The following PBRM1 variants were observed in gnomAD, a reference collection of about 807,000 sequenced individuals.
The protein encoded by PBRM1 is protein polybromo-1.
Under a neutral mutation model 194.5 loss-of-function variants are expected in PBRM1, and 27 were observed. That is an observed-to-expected ratio of 0.14 (90% confidence interval 0.10 to 0.19). The LOEUF is 0.19. Among genes scored for constraint, PBRM1 ranks in the 10% least tolerant of loss-of-function variants. The pLI, the probability that PBRM1 is intolerant of heterozygous loss-of-function variation, is 1.00. For synonymous variants in PBRM1, 655 were observed against 693.2 expected, an observed-to-expected ratio of 0.94 and a Z score of 0.87; for missense variants, 1,466 against 2,077.2, an observed-to-expected ratio of 0.71 and a Z score of 5.72.
chr3:52,569,183 C>T (rs1014630382), intron 22 of PBRM1, among the ~76,000 whole-genome samples: 1 of 151,760 alleles, frequency 6.6e-6, no homozygotes, highest in African/African-American at 2.4e-5. Flanking sequence ...TGAGCCACTG[C>T]ACCCGATTCT....
At chr3:52,562,209 C>T (rs2083741442) in intron 24 of PBRM1, among the ~76,000 whole-genome samples, 1 of 151,738 alleles carries the variant, frequency 6.6e-6, no homozygotes, top group Admixed American at 6.6e-5. Flanking sequence ...CGCCTGTAGT[C>T]CCAGCTACTC....
intron 18 of PBRM1, 26 bp downstream of exon 20, chr3:52,589,044 T>G: frequency 6.4e-7 from 1 of 1,569,042 alleles, no homozygotes; most frequent in Non-Finnish European, 8.8e-7. Context: ...CTCACTAAAC[T>G]GTCCTTTGAT....
intron 6 of PBRM1, 77 bp from the exon 8 acceptor site, chr3:52,648,519 A>G (rs993209037): frequency 8.4e-6 from 6 of 715,668 alleles, no homozygotes; most frequent in Non-Finnish European, 9.5e-6. Context: ...AGAACCCCAC[A>G]TATTTCTAAA....
At chr3:52,643,445 A>G in intron 8 of PBRM1, 102 bp from the exon 10 acceptor site, 1 of 763,604 alleles carries the variant, frequency 1.3e-6, no homozygotes, top group East Asian at 2.5e-5. Context: ...TCTAAATAGA[A>G]ATGCTAAAAT....
intron 22 of PBRM1, among the ~76,000 whole-genome samples, chr3:52,565,105 A>G (rs1218190235): frequency 6.6e-6 from 1 of 152,096 alleles, no homozygotes; most frequent in Non-Finnish European, 1.5e-5. Flanking sequence ...AAGCTGAGGC[A>G]GGAAAATTGC....
At chr3:52,602,894 G>C (rs974185370) in intron 17 of PBRM1, among the ~76,000 whole-genome samples, 1 of 152,074 alleles carries the variant, frequency 6.6e-6, no homozygotes, top group Non-Finnish European at 1.5e-5. Flanking sequence ...AAAAATCTAC[G>C]GAGGAGATTT....
At chr3:52,655,454 T>C (rs116677198) in intron 5 of PBRM1, among the ~76,000 whole-genome samples, 22 of 152,338 alleles carry the variant, frequency 1.4e-4, no homozygotes, top group Non-Finnish European at 2.8e-4. Flanking sequence ...ATATGTCACA[T>C]ATACATTCAT....
At chr3:52,604,860 A>C (rs1576566741) in intron 16 of PBRM1, among the ~76,000 whole-genome samples, 1 of 152,194 alleles carries the variant, frequency 6.6e-6, no homozygotes, top group Admixed American at 6.5e-5. Flanking sequence ...AGGCTGAGGC[A>C]GGACAATCAC....
At chr3:52,591,817 C>CTTTTTTTT (rs34822595) in intron 17 of PBRM1, among the ~76,000 whole-genome samples, 1 of 94,958 alleles carries the variant, frequency 1.1e-5, no homozygotes, top group Non-Finnish European at 2.1e-5. Context: ...TGCGCCCGGC[C>CTTTTTTTT]TTTTTTTTTT....
intron 22 of PBRM1, among the ~76,000 whole-genome samples, chr3:52,570,895 T>G (rs1407250788): frequency 1.4e-5 from 2 of 139,906 alleles, no homozygotes; most frequent in East Asian, 2.0e-4. Context: ...TGTTTCTTCG[T>G]TTTTTTTTTT....
At chr3:52,621,378 T>A (rs913175559) in intron 13 of PBRM1, among the ~76,000 whole-genome samples, 26 of 152,156 alleles carry the variant, frequency 1.7e-4, no homozygotes, top group African/African-American at 6.0e-4. Flanking sequence ...TTAGCCAGGA[T>A]GGTCTCGATC....
At chr3:52,658,138 A>T in intron 5 of PBRM1, 61 bp downstream of exon 6, 1 of 817,282 alleles carries the variant, frequency 1.2e-6, no homozygotes, top group Non-Finnish European at 2.2e-6. Context: ...TAATTAATAC[A>T]ATTCTTGAAG....
At chr3:52,618,738 G>T (rs1425895000) in intron 13 of PBRM1, among the ~76,000 whole-genome samples, 1 of 150,956 alleles carries the variant, frequency 6.6e-6, no homozygotes, top group South Asian at 2.1e-4. Context: ...GGGATTACAG[G>T]CGCCTGCCAC....
chr3:52,673,854 C>T (rs2097015734), intron 2 of PBRM1, among the ~76,000 whole-genome samples: 1 of 151,598 alleles, frequency 6.6e-6, no homozygotes, highest in South Asian at 2.1e-4. Flanking sequence ...AGTTTAAGAC[C>T]AGCCTGGGCA....
chr3:52,571,607 C>T (rs1220091635), intron 22 of PBRM1, among the ~76,000 whole-genome samples: 2 of 78,618 alleles, frequency 2.5e-5, no homozygotes, highest in African/African-American at 5.3e-5. Context: ...GCCTGGGCAA[C>T]AAGAGCGAAA....
At chr3:52,587,689 T>G (rs1466007927) in intron 18 of PBRM1, among the ~76,000 whole-genome samples, 179 bp from the exon 21 acceptor site, 1 of 150,812 alleles carries the variant, frequency 6.6e-6, no homozygotes, top group East Asian at 2.0e-4. Context: ...GGACTACAAG[T>G]ATAAGTCACT....
chr3:52,596,213 G>A (rs572357160), intron 17 of PBRM1, among the ~76,000 whole-genome samples: 1 of 151,998 alleles, frequency 6.6e-6, no homozygotes, highest in African/African-American at 2.4e-5. Flanking sequence ...GCCGAGGCGG[G>A]TGGATCACGA....
chr3:52,548,983 T>C (rs1192139827), intron 29 of PBRM1, among the ~76,000 whole-genome samples: 2 of 152,058 alleles, frequency 1.3e-5, no homozygotes, highest in Non-Finnish European at 2.9e-5. Flanking sequence ...CCTAATCGGT[T>C]TCTAATATTT....
At chr3:52,547,462 T>C (rs924121222), downstream of PBRM1, 6 of 233,526 alleles carry the variant, frequency 2.6e-5, no homozygotes, top group African/African-American at 1.3e-4. Context: ...GCTGTGTCTA[T>C]TAAACATCTA....
Sources: gnomAD v4.1 joint callset for allele counts (sites outside exome capture counted in the v4.1 genomes callset) on GRCh38, gnomAD v4.1.1 for gene constraint, MANE v1.5 for transcripts, NCBI Gene and HGNC (gene_info 2026-07-23, HGNC 2026-07-21) for gene names.